The following LMX1B variants were observed in gnomAD, a reference collection of about 807,000 sequenced individuals.
LMX1B encodes LIM homeobox transcription factor 1-beta.
Under a neutral mutation model 51.4 loss-of-function variants are expected in LMX1B, and 12 were observed. That is an observed-to-expected ratio of 0.23 (90% CI 0.15 to 0.38). The LOEUF is 0.38. Among genes scored for constraint, LMX1B ranks in the 10% least tolerant of loss-of-function variants. The pLI, the probability that LMX1B is intolerant of heterozygous loss-of-function variation, is 1.00. For synonymous variants in LMX1B, 237 were observed against 235.4 expected, an observed-to-expected ratio of 1.01 and a Z score of -0.06; for missense variants, 445 against 571.1, an observed-to-expected ratio of 0.78 and a Z score of 2.25.
chr9:126,633,913 G>A (rs530708602), intron 2 of LMX1B, among the ~76,000 whole-genome samples: 10 of 152,182 alleles, frequency 6.6e-5, no homozygotes, highest in East Asian at 5.8e-4. Context: ...AGGGGTAGTC[G>A]GCAGTCCAAA....
At chr9:126,664,272 C>T (rs1198133271) in intron 2 of LMX1B, among the ~76,000 whole-genome samples, 1 of 152,188 alleles carries the variant, frequency 6.6e-6, no homozygotes, top group African/African-American at 2.4e-5. Context: ...GAGCACAAAT[C>T]CCCCAGCCCT....
At chr9:126,634,385 C>T (rs1006532160) in intron 2 of LMX1B, among the ~76,000 whole-genome samples, 14 of 152,226 alleles carry the variant, frequency 9.2e-5, no homozygotes, top group African/African-American at 3.4e-4. Context: ...ACATGTGGAA[C>T]TTCCTCCCTC....
chr9:126,631,542 A>G (rs1399844480), intron 2 of LMX1B, among the ~76,000 whole-genome samples: 2 of 152,038 alleles, frequency 1.3e-5, no homozygotes, highest in East Asian at 3.9e-4. Flanking sequence ...TATCCTGCCC[A>G]CAGAGAGCTC....
chr9:126,670,199 G>A (rs545096944), intron 2 of LMX1B, among the ~76,000 whole-genome samples: 7 of 152,348 alleles, frequency 4.6e-5, no homozygotes, highest in African/African-American at 1.7e-4. Context: ...CCCTCCAAGG[G>A]GCAGAGCCCT....
Position 126,673,951 on chromosome 9 carries a change from G to A in LMX1B, c.327-16885G>A, listed in dbSNP as rs983614071. Reference sequence around the variant, plus strand: ...GCCTGTTTGGACAGCTGCCTTGTCTGTCCGTCTGTTTGGGAGATGCTGGCT... The same window carrying A: ...GCCTGTTTGGACAGCTGCCTTGTCTATCCGTCTGTTTGGGAGATGCTGGCT... On this transcript the variant is annotated intron_variant, in intron 2 of 7. Transcript: ENST00000373474. This position sits in a 1 kb window ranked among gnomAD's most constrained non-coding sequence, Gnocchi z 4.4. Among the ~76,000 whole-genome samples the A allele has an allele frequency of 2.6e-5, 4 of 152,202 alleles. No individual in the cohort carries two copies. The highest frequency in any genetic ancestry group is 9.7e-5 in the African/African-American group (4 of 41,436).
intron 2 of LMX1B, among the ~76,000 whole-genome samples, chr9:126,649,703 G>A (rs1032142965): frequency 2.0e-4 from 30 of 152,182 alleles, no homozygotes; most frequent in African/African-American, 7.2e-4. Context: ...TTGGCTCACT[G>A]CCATCTCTGC....
intron 2 of LMX1B, among the ~76,000 whole-genome samples, chr9:126,682,108 T>TTTA (rs1554727665): frequency 1.4e-4 from 19 of 139,060 alleles, no homozygotes; most frequent in African/African-American, 4.7e-4. Context: ...TTTTTTTTTT[T>TTTA]ATAGAGATGG....
At chr9:126,696,233 A>G (rs967257353) in intron 7 of LMX1B, 61 bp from the exon 8 acceptor site, 3 of 1,535,380 alleles carry the variant, frequency 2.0e-6, no homozygotes, top group African/African-American at 1.4e-5. Context: ...TACAGGGCAA[A>G]CAGGGGGCCC....
chr9:126,681,795 G>A (rs192990049), intron 2 of LMX1B, among the ~76,000 whole-genome samples: 1 of 151,994 alleles, frequency 6.6e-6, no homozygotes, highest in Non-Finnish European at 1.5e-5. Context: ...CAGCTACTTG[G>A]GAGGCTGAGG....
intron 2 of LMX1B, among the ~76,000 whole-genome samples, chr9:126,629,356 G>A (rs1049867518): frequency 1.1e-4 from 16 of 152,182 alleles, no homozygotes; most frequent in African/African-American, 3.9e-4. Flanking sequence ...TAGCACTTGT[G>A]GTCCATCAGG....
chr9:126,631,503 C>T (rs1835636892), intron 2 of LMX1B, among the ~76,000 whole-genome samples: 1 of 151,664 alleles, frequency 6.6e-6, no homozygotes, highest in Admixed American at 6.5e-5. Context: ...CTTCCTGGCT[C>T]AGCTCGGCCG....
intron 2 of LMX1B, among the ~76,000 whole-genome samples, chr9:126,678,370 G>A (rs1836613003): frequency 6.6e-6 from 1 of 151,816 alleles, no homozygotes; most frequent in Admixed American, 6.6e-5. Context: ...GCTGCCACAG[G>A]AGCCTAACCA....
chr9:126,672,357 G>T (rs560565273), intron 2 of LMX1B, among the ~76,000 whole-genome samples: 1 of 152,378 alleles, frequency 6.6e-6, no homozygotes, highest in African/African-American at 2.4e-5. Flanking sequence ...GTGAAGCAGG[G>T]TTTGTGCCCA....
At chr9:126,629,577 G>T (rs1176055444) in intron 2 of LMX1B, among the ~76,000 whole-genome samples, 2 of 144,024 alleles carry the variant, frequency 1.4e-5, no homozygotes, top group Non-Finnish European at 3.2e-5. Flanking sequence ...TGGGGTTGGT[G>T]CCCCGATGGT....
At chr9:126,665,250 T>TG (rs1356901970) in intron 2 of LMX1B, among the ~76,000 whole-genome samples, 1 of 152,178 alleles carries the variant, frequency 6.6e-6, no homozygotes, top group African/African-American at 2.4e-5. Flanking sequence ...TAACCTGATT[T>TG]GGGGGGAGGG....
Position 126,618,982 on chromosome 9 carries a change from C to T in LMX1B, c.326+3413C>T, listed in dbSNP as rs1245823568. ...TCGGCGGCGGGGCCGCGGCGTCCTTCCGCCCGCAGGGCCTGCCCGGGCGGC... is the reference window on the plus strand; with the variant it reads ...TCGGCGGCGGGGCCGCGGCGTCCTTTCGCCCGCAGGGCCTGCCCGGGCGGC... On this transcript the variant is annotated intron_variant, in intron 2 of 7. Coordinates refer to ENST00000373474, the MANE Select transcript of LMX1B (RefSeq NM_001174147.2). This position sits in a 1 kb window ranked among gnomAD's most constrained non-coding sequence, Gnocchi z 4.5. 1.3e-5 allele frequency among the ~76,000 whole-genome samples: 2 copies of T among 152,028 alleles called. No individual in the cohort carries two copies. Among genetic ancestry groups the T allele is most frequent in the African/African-American group, 2.4e-5 (1 of 41,416 alleles).
rs1041541751 is a variant in LMX1B, at chr9:126,625,654, C to G, written c.326+10085C>G. Reference sequence around the variant, plus strand: ...CGAGGGTGAATTCCTTTGTTCCACCCCCACGGAAACCCTCTTCTCCGCCAG... The same window carrying G: ...CGAGGGTGAATTCCTTTGTTCCACCGCCACGGAAACCCTCTTCTCCGCCAG... On this transcript the variant is annotated intron_variant, in intron 2 of 7. Coordinates refer to ENST00000373474, the MANE Select transcript of LMX1B (RefSeq NM_001174147.2). The surrounding 1 kb of genome is among the most constrained non-coding windows in gnomAD (Gnocchi z 5.3). 6.6e-6 allele frequency among the ~76,000 whole-genome samples: 1 copy of G among 152,232 alleles called. No homozygotes were observed. The highest frequency in any genetic ancestry group is 1.5e-5 in the Non-Finnish European group (1 of 68,044).
At chr9:126,685,526 G>A (rs1836753914) in intron 2 of LMX1B, among the ~76,000 whole-genome samples, 2 of 152,184 alleles carry the variant, frequency 1.3e-5, no homozygotes, top group South Asian at 2.1e-4. Flanking sequence ...ACAAAGGCTG[G>A]GAGTTGCCCT....
At chr9:126,676,111 C>G (rs941198871) in intron 2 of LMX1B, among the ~76,000 whole-genome samples, 1 of 152,146 alleles carries the variant, frequency 6.6e-6, no homozygotes, top group Admixed American at 6.5e-5. Context: ...CAGGCAGGCT[C>G]CTGTACTCCC....
Sources: allele counts gnomAD v4.1 joint callset (sites outside exome capture counted in the v4.1 genomes callset), GRCh38; gene constraint gnomAD v4.1.1; non-coding constraint Gnocchi (gnomAD v3.1); transcripts MANE v1.5; gene names NCBI Gene and HGNC (gene_info 2026-07-23, HGNC 2026-07-21).